C6: variants seen among roughly 807,000 people sequenced by gnomAD.
C6 encodes complement C6.
In C6, 101 loss-of-function variants were observed where a neutral mutation model predicts 112.9. The observed-to-expected ratio is 0.89, with a 90% CI of 0.76 to 1.06. The LOEUF (loss-of-function observed/expected upper bound fraction) is 1.06. Among genes scored for constraint, C6 ranks in the 50% least tolerant of loss-of-function variants. The pLI is 0.00. For synonymous variants in C6, 431 were observed against 384.1 expected (o/e 1.12, Z -1.43); for missense variants, 1,202 against 1,104.6 (o/e 1.09, Z -1.25).
At chr5:41,243,934 TAC>T (rs1193057869) in intron 1 of C6, among the ~76,000 whole-genome samples, 1 of 152,244 alleles carries the variant, frequency 6.6e-6, no homozygotes, top group African/African-American at 2.4e-5. Flanking sequence ...CACATTTGCC[TAC>T]ACTAAAAACC....
rs1748507218 is a variant in C6, at chr5:41,172,435, A to G, written c.1169-88T>C. On this transcript the variant is annotated intron_variant, in intron 8 of 17. Coordinates refer to ENST00000337836, the MANE Select transcript of C6 (RefSeq NM_000065.5). ...ATGGTGCTCTGGTCACTTCGGATCT[A>G]CAGATACTTTATATTAGCCCCTCTC... 27 of 1,303,182 alleles carry G rather than the reference A, an allele frequency of 2.1e-5. 1 individual carries two copies. The South Asian group carries it at 3.2e-4, about 15-fold the overall frequency. 80.7% of individuals were successfully genotyped at this position (1,303,182 alleles called of 1,614,324 possible). A position where few individuals can be genotyped will look rare whatever the true frequency, so the allele number is the denominator to read the frequency against.
At chr5:41,146,293 T>G (rs1399807385) in intron 17 of C6, among the ~76,000 whole-genome samples, 4 of 152,204 alleles carry the variant, frequency 2.6e-5, no homozygotes, top group Non-Finnish European at 5.9e-5. Flanking sequence ...ACCTTCATAT[T>G]ACTTTGAAGT....
intron 1 of C6, among the ~76,000 whole-genome samples, chr5:41,248,840 ATCATTCT>A (rs1003997573): frequency 6.6e-6 from 1 of 152,184 alleles, no homozygotes; most frequent in Non-Finnish European, 1.5e-5. Context: ...AAGAAGATAA[ATCATTCT>A]ACTAAAAAGA....
chr5:41,175,081 A>G (rs1748726226), intron 8 of C6, among the ~76,000 whole-genome samples: 1 of 152,226 alleles, frequency 6.6e-6, no homozygotes, highest in Non-Finnish European at 1.5e-5. Context: ...GCAGCTACTC[A>G]TATACCCTTG....
At chr5:41,184,892 T>C (rs1451633788) in intron 6 of C6, among the ~76,000 whole-genome samples, 1 of 152,220 alleles carries the variant, frequency 6.6e-6, no homozygotes, top group Non-Finnish European at 1.5e-5. Context: ...TAAGGTATCA[T>C]ATGAGTATGA....
At chr5:41,224,539 C>T (rs975548547) in intron 1 of C6, among the ~76,000 whole-genome samples, 13 of 151,786 alleles carry the variant, frequency 8.6e-5, no homozygotes, top group African/African-American at 2.9e-4. Flanking sequence ...TGACTAAGTG[C>T]GTTTTCAAGG....
chr5:41,168,463 A>G (rs974471124), intron 9 of C6, among the ~76,000 whole-genome samples: 6 of 152,158 alleles, frequency 3.9e-5, no homozygotes, highest in Admixed American at 2.0e-4. Flanking sequence ...AAAAATGCCC[A>G]GGAAAGCTTT....
At chr5:41,171,804 C>T (rs1017015975) in intron 9 of C6, among the ~76,000 whole-genome samples, 1 of 152,116 alleles carries the variant, frequency 6.6e-6, no homozygotes, top group Non-Finnish European at 1.5e-5. Flanking sequence ...TGATGTATTT[C>T]AATCCCAGGA....
At chr5:41,187,133 A>G (rs1209976720) in intron 5 of C6, among the ~76,000 whole-genome samples, 2 of 152,328 alleles carry the variant, frequency 1.3e-5, no homozygotes, top group African/African-American at 2.4e-5. Context: ...TTCATAGAAC[A>G]TGTAGTGTAG....
At chr5:41,229,789 C>T (rs1366544349) in intron 1 of C6, among the ~76,000 whole-genome samples, 1 of 152,012 alleles carries the variant, frequency 6.6e-6, no homozygotes, top group African/African-American at 2.4e-5. Context: ...AAGTTCAATA[C>T]TATTGTTTTA....
chr5:41,161,832 G>T lies in C6; in HGVS notation c.1319C>A (p.Ser440Tyr). ...EGSFIQGAEK[S>Y]ISLIRGGRSE... Reference sequence around the variant, plus strand: ...CCTTCCACCTCGAATCAGGGATATGGATTTCTCTGCTCCCTGTATAAATGA... The same window carrying T: ...CCTTCCACCTCGAATCAGGGATATGTATTTCTCTGCTCCCTGTATAAATGA... The change falls in exon 10 of 18, where the codon TCC becomes TAC. Residue 440 changes from serine to tyrosine, a missense_variant. By Grantham distance (144) the Ser-to-Tyr change is moderately radical. Coordinates refer to ENST00000337836, the MANE Select transcript of C6 (RefSeq NM_000065.5). 1 of 1,613,596 alleles carries T rather than the reference G, an allele frequency of 6.2e-7. No homozygotes were observed. The highest frequency in any genetic ancestry group is 8.5e-7 in the Non-Finnish European group (1 of 1,179,676).
chr5:41,216,127 T>A (rs145559731), upstream of C6, among the ~76,000 whole-genome samples: 2 of 152,248 alleles, frequency 1.3e-5, no homozygotes, highest in East Asian at 3.9e-4. Context: ...TCCACACTCT[T>A]TGTGTCTTCT....
At chr5:41,196,441 GAGA>G (rs1750627415) in intron 4 of C6, among the ~76,000 whole-genome samples, 1 of 151,916 alleles carries the variant, frequency 6.6e-6, no homozygotes, top group Non-Finnish European at 1.5e-5. Flanking sequence ...GATGTCCAGG[GAGA>G]AGGAGGGGGA....
At chr5:41,224,206 C>G (rs1304116370) in intron 1 of C6, among the ~76,000 whole-genome samples, 1 of 152,094 alleles carries the variant, frequency 6.6e-6, no homozygotes, top group Non-Finnish European at 1.5e-5. Flanking sequence ...AATGTGCTGT[C>G]AGCAGTTTTC....
At chr5:41,213,856 T>C (rs190620649), upstream of C6, among the ~76,000 whole-genome samples, 2 of 152,194 alleles carry the variant, frequency 1.3e-5, no homozygotes, top group Admixed American at 6.6e-5. Context: ...TGATTGTGTA[T>C]GTAGAAAATT....
At chr5:41,203,548 A>G (rs775436565) in intron 1 of C6, 2 of 366,196 alleles carry the variant, frequency 5.5e-6, no homozygotes, top group Non-Finnish European at 5.3e-6. Flanking sequence ...ATTTCATTCC[A>G]AAAAGTATTT....
chr5:41,149,576 T>C, intron 16 of C6, 94 bp from the exon 17 acceptor site: 1 of 1,542,402 alleles, frequency 6.5e-7, no homozygotes, highest in East Asian at 2.3e-5. Flanking sequence ...ACCAACCAGT[T>C]TTCTTTTGCC....
chr5:41,212,239 A>G (rs1332163332), intron 1 of C6, among the ~76,000 whole-genome samples: 2 of 151,994 alleles, frequency 1.3e-5, no homozygotes, highest in African/African-American at 4.8e-5. Flanking sequence ...TCAGCTCACT[A>G]TAAACTCAGC....
chr5:41,177,342 G>A (rs1748940532), intron 7 of C6, among the ~76,000 whole-genome samples: 1 of 152,092 alleles, frequency 6.6e-6, no homozygotes, highest in South Asian at 2.1e-4. Flanking sequence ...AGAAATATAT[G>A]AGTTTTTTTG....
Sources: gnomAD v4.1 joint callset for allele counts (sites outside exome capture counted in the v4.1 genomes callset) on GRCh38, gnomAD v4.1.1 for gene constraint, MANE v1.5 for transcripts, NCBI Gene and HGNC (gene_info 2026-07-23, HGNC 2026-07-21) for gene names.